The following BSN variants were observed in gnomAD, a reference collection of about 807,000 sequenced individuals.
BSN encodes the protein protein bassoon.
Under a neutral mutation model 264.8 loss-of-function variants are expected in BSN, and 57 were observed. The ratio of observed to expected loss-of-function variants is 0.22; its 90% CI spans 0.17 to 0.27. The LOEUF (loss-of-function observed/expected upper bound fraction) is 0.27. Among genes scored for constraint, BSN ranks in the 10% least tolerant of loss-of-function variants. BSN has a pLI of 1.00. For missense variants in BSN, 4,615 were observed against 5,232.5 expected (o/e 0.88, Z 3.64); for synonymous variants, 2,059 against 2,137.3 (o/e 0.96, Z 1.01).
rs1282380356 is a variant in BSN, at chr3:49,668,951, C to T, written c.*1466C>T. On this transcript the variant is annotated 3_prime_UTR_variant, in exon 12 of 12. Transcript: ENST00000296452. ...GCAATTGAGAAACTGGATAGATACACTCATAAAACCCCCACCCCTCCCCAC... is the reference window on the plus strand; with the variant it reads ...GCAATTGAGAAACTGGATAGATACATTCATAAAACCCCCACCCCTCCCCAC... 2.0e-5 allele frequency: 3 copies of T among 152,312 alleles called. No homozygotes were observed. Among genetic ancestry groups the T allele is most frequent in the Admixed American group, 6.5e-5 (1 of 15,284 alleles). 9.4% of individuals were successfully genotyped at this position (152,312 alleles called of 1,614,324 possible). A position where few individuals can be genotyped will look rare whatever the true frequency, so the allele number is the denominator to read the frequency against.
Position 49,663,093 on chromosome 3 carries a change from C to CCGGCACGGTGACCACGGG in BSN, c.10942_10959dup (p.Gly3648_His3653dup). 6.2e-7 allele frequency: 1 copy of CCGGCACGGTGACCACGGG among 1,612,168 alleles called. No homozygotes were observed. The highest frequency in any genetic ancestry group is 2.2e-5 in the East Asian group (1 of 44,876). On this transcript the variant is annotated inframe_insertion, in exon 7 of 12. Coordinates refer to ENST00000296452, the MANE Select transcript of BSN (RefSeq NM_003458.4). ...GCCGCCATGCCTCAGCCAAGGAACACCGGCACGGTGACCACGGGCGGCACT... is the reference window on the plus strand; with the variant it reads ...GCCGCCATGCCTCAGCCAAGGAACACCGGCACGGTGACCACGGGCGGCACGGTGACCACGGGCGGCACT...
At position 49,654,443 on chromosome 3, in the gene BSN, A is replaced by T; in HGVS notation, c.4887A>T (p.Leu1629=). The change falls in exon 5 of 12, where the codon CTA becomes CTT. Residue 1629 remains leucine (L), a synonymous_variant. Transcript: ENST00000296452. The surrounding 1 kb of genome is among the most constrained non-coding windows in gnomAD (Gnocchi z 4.1). The part of the protein sequence containing the change: ...PSAGADGPLA[L]YGWGALPAEN... ...CTGGTGCAGATGGGCCCCTGGCACT[A>T]TATGGCTGGGGTGCCCTCCCTGCTG... 6.2e-7 allele frequency: 1 copy of T among 1,602,804 alleles called. No individual in the cohort carries two copies. The highest frequency in any genetic ancestry group is 8.5e-7 in the Non-Finnish European group (1 of 1,175,152).
At chr3:49,603,459 G>A (rs559754987) in intron 1 of BSN, among the ~76,000 whole-genome samples, 10 of 152,276 alleles carry the variant, frequency 6.6e-5, no homozygotes, top group African/African-American at 2.2e-4. Context: ...GGCAGTGTAG[G>A]CCTGTTAGAT....
chr3:49,555,419 G>A lies in BSN; in HGVS notation c.224+593G>A, dbSNP rs1008214646. Among the ~76,000 whole-genome samples, 16 of 152,162 alleles carry A rather than the reference G, an allele frequency of 1.1e-4. No individual in the cohort carries two copies. The East Asian group carries it at 3.1e-3, about 29-fold the overall frequency. ...TTATTTAGGCCCAACAATACTAATA[G>A]GATCATGTGCTTTCACCAAGGTTTA... On this transcript the variant is annotated intron_variant, in intron 1 of 11. Transcript: ENST00000296452.
chr3:49,613,497 TTATTA>T (rs2052228997), intron 1 of BSN, among the ~76,000 whole-genome samples: 2 of 150,986 alleles, frequency 1.3e-5, no homozygotes, highest in Non-Finnish European at 1.5e-5. Flanking sequence ...ATTATTATTA[TTATTA>T]TTTTTTTTTG....
rs761984861 is a variant in BSN, at chr3:49,655,285, G to A, written c.5729G>A (p.Gly1910Asp). 2 of 1,612,922 alleles carry A rather than the reference G, an allele frequency of 1.2e-6. No homozygotes were observed. Among genetic ancestry groups the A allele is most frequent in the South Asian group, 2.2e-5 (2 of 91,060 alleles). ...CCDMVYKLPF[G>D]SSCTGTFHPA... ...GACATGGTCTACAAGCTCCCCTTTG[G>A]CAGCAGCTGCACTGGCACCTTCCAC... Residue 1910 changes from glycine (G) to aspartate (D), a missense_variant, in exon 5 of 12, where the codon GGC (glycine) becomes GAC (aspartate). Coordinates refer to ENST00000296452, the MANE Select transcript of BSN (RefSeq NM_003458.4).
chr3:49,569,448 G>A (rs1045981901), intron 1 of BSN, among the ~76,000 whole-genome samples: 3 of 152,188 alleles, frequency 2.0e-5, no homozygotes, highest in African/African-American at 7.2e-5. Flanking sequence ...GTGCCTACTA[G>A]TTGATGTCAG....
chr3:49,664,284 T>G, intron 8 of BSN, 139 bp from the exon 9 acceptor site: 1 of 1,133,926 alleles, frequency 8.8e-7, no homozygotes, highest in Non-Finnish European at 1.3e-6. Flanking sequence ...TACCTTCTTC[T>G]CTTTATTTCC....
chr3:49,608,991 G>A (rs914966961), intron 1 of BSN, among the ~76,000 whole-genome samples: 2 of 151,956 alleles, frequency 1.3e-5, no homozygotes, highest in African/African-American at 2.4e-5. Context: ...GCCATGAAAA[G>A]TCTGCAGGAA....
chr3:49,642,716 C>T lies in BSN; in HGVS notation c.1082C>T (p.Ala361Val), dbSNP rs1266460761. The T allele has an allele frequency of 3.7e-6, 6 of 1,613,420 alleles. No individual in the cohort carries two copies. The highest frequency in any genetic ancestry group is 1.1e-5 in the South Asian group (1 of 91,078). ...CTTGGCGCGTCACTGCTAACCCAGG[C>T]GAGCACCCTCATGTCTGTGCAGCCC... is the stretch of plus-strand genomic sequence containing the variant. ...FGLGASLLTQ[A>V]STLMSVQPEA... is the part of the protein sequence containing the mutation. Residue 361 changes from alanine (A) to valine (V), a missense_variant, in exon 3 of 12, where the codon GCG becomes GTG. This residue lies in a region of BSN where 1,197 missense variants were observed against 1,348.0 expected (regional missense o/e 0.89). Coordinates refer to ENST00000296452, the MANE Select transcript of BSN (RefSeq NM_003458.4). The surrounding 1 kb of genome is among the most constrained non-coding windows in gnomAD (Gnocchi z 7.0).
intron 1 of BSN, among the ~76,000 whole-genome samples, chr3:49,612,658 A>G (rs2052217607): frequency 6.6e-6 from 1 of 152,210 alleles, no homozygotes; most frequent in Non-Finnish European, 1.5e-5. Context: ...AGGGTGTGGC[A>G]GGTGAGGGGA....
At chr3:49,559,216 T>C (rs2051695745) in intron 1 of BSN, among the ~76,000 whole-genome samples, 1 of 152,208 alleles carries the variant, frequency 6.6e-6, no homozygotes, top group Admixed American at 6.5e-5. Context: ...CATGAGCCAC[T>C]GTGCCTGGCC....
At chr3:49,589,134 G>C (rs868531652) in intron 1 of BSN, among the ~76,000 whole-genome samples, 5 of 144,384 alleles carry the variant, frequency 3.5e-5, no homozygotes, top group South Asian at 2.2e-4. Flanking sequence ...GGATGGTCTC[G>C]ATCTCCTGAC....
chr3:49,613,281 A>ATG (rs1332388637), intron 1 of BSN, among the ~76,000 whole-genome samples: 1 of 147,294 alleles, frequency 6.8e-6, no homozygotes, highest in Admixed American at 6.9e-5. Flanking sequence ...AAGTTTATAT[A>ATG]TATATATATA....
At chr3:49,612,477 T>C (rs912955707) in intron 1 of BSN, among the ~76,000 whole-genome samples, 1 of 152,124 alleles carries the variant, frequency 6.6e-6, no homozygotes, top group African/African-American at 2.4e-5. Context: ...CAGTCCAGGA[T>C]GGAGGATTTT....
At chr3:49,621,211 A>C (rs1314895647) in intron 1 of BSN, among the ~76,000 whole-genome samples, 1 of 152,146 alleles carries the variant, frequency 6.6e-6, no homozygotes, top group Non-Finnish European at 1.5e-5. Context: ...TGGCAGTTAG[A>C]CAGGTGAAGA....
At position 49,662,023 on chromosome 3, in the gene BSN, T is replaced by C; in HGVS notation, c.10178T>C (p.Val3393Ala). 6.2e-7 allele frequency: 1 copy of C among 1,613,452 alleles called. No individual in the cohort carries two copies. Among genetic ancestry groups the C allele is most frequent in the Non-Finnish European group, 8.5e-7 (1 of 1,179,900 alleles). ...CTGGCGTCCTACCCCCCACCTGCAG[T>C]CAGCAGCAGCCTGGTCTCTCGGGGC... ...SDLASYPPPA[V>A]SSSLVSRGRK... Residue 3393 changes from valine (V) to alanine (A), a missense_variant, in exon 6 of 12, where the codon GTC becomes GCC. Coordinates refer to ENST00000296452, the MANE Select transcript of BSN (RefSeq NM_003458.4).
In BSN at chr3:49,554,524, G is replaced by C. The variant is rs1575421931; in HGVS notation, c.-79G>C. The C allele has an allele frequency of 2.2e-6, 1 of 448,394 alleles. No individual in the cohort carries two copies. Among genetic ancestry groups the C allele is most frequent in the Non-Finnish European group, 2.9e-6 (1 of 339,802 alleles). The allele number at this position is 448,394 out of a possible 1,614,324, so 27.8% of individuals were successfully genotyped here. On this transcript the variant is annotated 5_prime_UTR_variant, in exon 1 of 12. Coordinates refer to ENST00000296452, the MANE Select transcript of BSN (RefSeq NM_003458.4). ...GGGAGATGGCGGCGGCAGCGGCGGC[G>C]CCGAGAGTGTGAGCACCGCCCGGGA...
Position 49,663,838 on chromosome 3 carries a change from CAG to C in BSN, c.11561_11562del (p.Gln3854ArgfsTer134). On this transcript the variant is annotated frameshift_variant, in exon 8 of 12. Coordinates refer to ENST00000296452, the MANE Select transcript of BSN (RefSeq NM_003458.4). LOFTEE classifies it high-confidence loss of function. Reference sequence around the variant, plus strand: ...TAAAGGGACAGCCAAAGCACCGCAACAGGGGAGGGCTCCTCAGGCCCAGCCAG... The same window carrying C: ...TAAAGGGACAGCCAAAGCACCGCAACGGGAGGGCTCCTCAGGCCCAGCCAG... ...GSKGTAKAPQ[Q>X]GRAPQAQPAP... The C allele has an allele frequency of 6.2e-7, 1 of 1,614,110 alleles. No homozygotes were observed. The highest frequency in any genetic ancestry group is 8.5e-7 in the Non-Finnish European group (1 of 1,180,026).
Sources: allele counts gnomAD v4.1 joint callset (sites outside exome capture counted in the v4.1 genomes callset), GRCh38; gene constraint gnomAD v4.1.1; regional missense constraint gnomAD v4.1.1; non-coding constraint Gnocchi (gnomAD v3.1); transcripts MANE v1.5; gene names NCBI Gene and HGNC (gene_info 2026-07-23, HGNC 2026-07-21).